Variants in CTNNA3 observed in about 807,000 individuals in gnomAD.
CTNNA3 encodes catenin alpha 3.
CTNNA3 carries 76 observed loss-of-function variants against 95.7 expected under a neutral mutation model. That is an observed-to-expected ratio of 0.79 (90% confidence interval 0.66 to 0.96). The LOEUF (loss-of-function observed/expected upper bound fraction) is 0.96, where lower values mean the gene tolerates loss of function less well. Among genes scored for constraint, CTNNA3 ranks in the 40% least tolerant of loss-of-function variants. CTNNA3 has a pLI of 0.00. For synonymous variants in CTNNA3, 431 were observed against 374.4 expected (o/e 1.15, Z -1.74); for missense variants, 1,191 against 1,089.8 (o/e 1.09, Z -1.31).
intron 5 of CTNNA3, among the ~76,000 whole-genome samples, chr10:67,460,203 T>C (rs1847322949): frequency 6.6e-6 from 1 of 152,116 alleles, no homozygotes; most frequent in African/African-American, 2.4e-5. Context: ...TATGGCTTTG[T>C]TTTCATTCTA....
chr10:66,447,742 A>G (rs10997130), intron 11 of CTNNA3, among the ~76,000 whole-genome samples: 57,680 of 151,434 alleles, frequency 0.38, 11,539 homozygotes, highest in African/African-American at 0.5. Flanking sequence ...AACCTAGGCA[A>G]TACCATTCAG....
intron 3 of CTNNA3, among the ~76,000 whole-genome samples, chr10:67,558,636 A>G (rs1305936191): frequency 6.6e-6 from 1 of 152,082 alleles, no homozygotes; most frequent in Non-Finnish European, 1.5e-5. Context: ...GACAGTGGGC[A>G]CAGGACAGTG....
intron 16 of CTNNA3, among the ~76,000 whole-genome samples, chr10:65,987,563 C>T (rs912987674): frequency 6.6e-6 from 1 of 151,954 alleles, no homozygotes; most frequent in Non-Finnish European, 1.5e-5. Context: ...GGGACTCATA[C>T]CCTGTTGGTA....
intron 11 of CTNNA3, among the ~76,000 whole-genome samples, chr10:66,382,153 G>A (rs1280624642): frequency 6.6e-6 from 1 of 152,072 alleles, no homozygotes; most frequent in Non-Finnish European, 1.5e-5. Context: ...AAGCACAAGG[G>A]GTCAGCGGAT....
At chr10:67,277,452 A>G (rs1839223862) in intron 5 of CTNNA3, among the ~76,000 whole-genome samples, 1 of 152,190 alleles carries the variant, frequency 6.6e-6, no homozygotes, top group Non-Finnish European at 1.5e-5. Context: ...TAGTCCTGAG[A>G]AGACTAAAGT....
chr10:67,200,266 G>A (rs1374611973), intron 6 of CTNNA3, among the ~76,000 whole-genome samples: 1 of 152,028 alleles, frequency 6.6e-6, no homozygotes, highest in Non-Finnish European at 1.5e-5. Flanking sequence ...GATCTGGTGG[G>A]GGGAAAGTAT....
Position 66,927,625 on chromosome 10 carries a change from C to T in CTNNA3, c.1048-152101G>A, listed in dbSNP as rs750788228. The T allele has an allele frequency of 6.2e-7, 1 of 1,614,180 alleles. No homozygotes were observed. Among genetic ancestry groups the T allele is most frequent in the South Asian group, 1.1e-5 (1 of 91,088 alleles). Reference sequence around the variant, plus strand: ...GGTCAGCCTTCAGAACCTTTACTTGCAGTGGAATAAAATCAGTGTCATAGG... The same window carrying T: ...GGTCAGCCTTCAGAACCTTTACTTGTAGTGGAATAAAATCAGTGTCATAGG... On this transcript the variant is annotated intron_variant, in intron 7 of 17. Coordinates refer to ENST00000433211, the MANE Select transcript of CTNNA3 (RefSeq NM_013266.4). The surrounding 1 kb of genome is among the most constrained non-coding windows in gnomAD (Gnocchi z 4.7).
At chr10:66,284,555 T>C (rs1047146129) in intron 12 of CTNNA3, among the ~76,000 whole-genome samples, 10 of 152,040 alleles carry the variant, frequency 6.6e-5, no homozygotes, top group Non-Finnish European at 1.2e-4. Flanking sequence ...TGAGCTTCTG[T>C]CTGGTAGTAG....
intron 7 of CTNNA3, among the ~76,000 whole-genome samples, chr10:66,874,734 G>A (rs953631528): frequency 9.2e-5 from 14 of 152,232 alleles, no homozygotes; most frequent in African/African-American, 3.4e-4. Context: ...ACCAAAAGAG[G>A]TATTTGACCA....
At chr10:66,830,524 G>T (rs906398003) in intron 7 of CTNNA3, among the ~76,000 whole-genome samples, 2 of 151,966 alleles carry the variant, frequency 1.3e-5, no homozygotes. Context: ...TTCTACTCGT[G>T]CTCCTTCTTC....
intron 17 of CTNNA3, among the ~76,000 whole-genome samples, chr10:65,963,622 A>AT (rs1334488558): frequency 6.6e-6 from 1 of 152,044 alleles, no homozygotes; most frequent in Non-Finnish European, 1.5e-5. Context: ...ATGTTTCTTA[A>AT]TTTTTTATGC....
intron 3 of CTNNA3, among the ~76,000 whole-genome samples, chr10:67,552,768 T>G (rs922081486): frequency 5.3e-5 from 8 of 152,130 alleles, no homozygotes; most frequent in African/African-American, 1.9e-4. Flanking sequence ...CATGCAGTGT[T>G]TGGTTTTCTG....
intron 7 of CTNNA3, among the ~76,000 whole-genome samples, chr10:67,027,281 A>C (rs1461872199): frequency 2.0e-5 from 3 of 152,144 alleles, no homozygotes; most frequent in Non-Finnish European, 2.9e-5. Flanking sequence ...AGATCTTTTT[A>C]ATTCCCCTCG....
intron 5 of CTNNA3, among the ~76,000 whole-genome samples, chr10:67,504,581 A>G (rs1368087398): frequency 1.3e-5 from 2 of 152,088 alleles, no homozygotes; most frequent in Non-Finnish European, 2.9e-5. Flanking sequence ...ATGCATAGTG[A>G]CTGATACAAG....
At position 67,058,765 on chromosome 10, in the gene CTNNA3, G is replaced by C. The variant is rs556423159; in HGVS notation, c.1047+121552C>G. Among the ~76,000 whole-genome samples, 49 of 152,232 alleles carry C rather than the reference G, an allele frequency of 3.2e-4. No individual in the cohort carries two copies. In the Middle Eastern group the frequency reaches 0.01, roughly 32 times the overall value. ...TTGTGTATCTAAGGAATCGTGACTAGACTTGTAATGTCTGCATCACAGAGC... is the reference window on the plus strand; with the variant it reads ...TTGTGTATCTAAGGAATCGTGACTACACTTGTAATGTCTGCATCACAGAGC... On this transcript the variant is annotated intron_variant, in intron 7 of 17. Coordinates refer to ENST00000433211, the MANE Select transcript of CTNNA3 (RefSeq NM_013266.4).
At chr10:65,963,232 T>C (rs555331440) in intron 17 of CTNNA3, among the ~76,000 whole-genome samples, 4 of 152,296 alleles carry the variant, frequency 2.6e-5, no homozygotes, top group African/African-American at 7.2e-5. Context: ...CAGTTTCCTT[T>C]ACAAGCTTTT....
chr10:66,570,203 CT>C (rs1842827511), intron 10 of CTNNA3, among the ~76,000 whole-genome samples: 2 of 152,144 alleles, frequency 1.3e-5, no homozygotes, highest in African/African-American at 4.8e-5. Flanking sequence ...CACATTACCC[CT>C]GAGACCTAAA....
chr10:67,726,404 ATATCATATAT>A (rs1841219001), intron 1 of CTNNA3, among the ~76,000 whole-genome samples: 1 of 65,236 alleles, frequency 1.5e-5, no homozygotes, highest in East Asian at 5.5e-4. Context: ...ATTATATATT[ATATCATATAT>A]AATATTATAT....
chr10:67,361,862 C>A (rs1262293479), intron 5 of CTNNA3, among the ~76,000 whole-genome samples: 1 of 151,822 alleles, frequency 6.6e-6, no homozygotes. Context: ...AAACAAGATC[C>A]ATACACTGCT....
Sources: gnomAD v4.1 joint callset for allele counts (sites outside exome capture counted in the v4.1 genomes callset) on GRCh38, gnomAD v4.1.1 for gene constraint, Gnocchi (gnomAD v3.1) non-coding constraint, MANE v1.5 for transcripts, NCBI Gene and HGNC (gene_info 2026-07-23, HGNC 2026-07-21) for gene names.